The following KLHL18 variants were observed in gnomAD, a reference collection of about 807,000 sequenced individuals.
The protein encoded by KLHL18 is kelch like family member 18.
In KLHL18, 38 loss-of-function variants were observed where a neutral mutation model predicts 58.5. The observed-to-expected ratio is 0.65, with a 90% CI of 0.50 to 0.85. The LOEUF (loss-of-function observed/expected upper bound fraction) is 0.85. KLHL18 is among the 40% of genes least tolerant of loss of function. The pLI is 0.00. For synonymous variants in KLHL18, 303 were observed against 301.9 expected, an observed-to-expected ratio of 1.00 and a Z score of -0.04; for missense variants, 624 against 778.4, an observed-to-expected ratio of 0.80 and a Z score of 2.36.
At chr3:47,300,333 A>G (rs1450546420) in intron 1 of KLHL18, among the ~76,000 whole-genome samples, 1 of 147,286 alleles carries the variant, frequency 6.8e-6, no homozygotes, top group East Asian at 2.0e-4. Context: ...GTATATGTAT[A>G]TACGTGTGTA....
intron 1 of KLHL18, among the ~76,000 whole-genome samples, chr3:47,284,147 G>A (rs1338570065): frequency 6.6e-6 from 1 of 151,930 alleles, no homozygotes; most frequent in East Asian, 1.9e-4. Context: ...TGGGAGGATC[G>A]CTTGAGCCTA....
chr3:47,332,117 A>C (rs1335709838), intron 4 of KLHL18, among the ~76,000 whole-genome samples: 1 of 152,188 alleles, frequency 6.6e-6, no homozygotes, highest in Non-Finnish European at 1.5e-5. Context: ...TGGGAGGCCA[A>C]GGTGGGCAGA....
rs1372177196 is a variant in KLHL18 at position 47,346,766 on chromosome 3, A to G, written c.*2825A>G. Reference sequence around the variant, plus strand: ...TTAGTTCCTTTTATTTATAGAATGCATGTCTTTTGTGTTAAGAAACCAAAG... The same window carrying G: ...TTAGTTCCTTTTATTTATAGAATGCGTGTCTTTTGTGTTAAGAAACCAAAG... On this transcript the variant is annotated 3_prime_UTR_variant, in exon 10 of 10. Coordinates refer to ENST00000232766, the MANE Select transcript of KLHL18 (RefSeq NM_025010.5). The G allele has an allele frequency of 6.6e-6, 1 of 152,654 alleles. No homozygotes were observed. The highest frequency in any genetic ancestry group is 2.4e-5 in the African/African-American group (1 of 41,454). The allele number at this position is 152,654 out of a possible 1,614,324, so 9.5% of individuals were successfully genotyped here. A position where few individuals can be genotyped will look rare whatever the true frequency, so the allele number is the denominator to read the frequency against.
intron 1 of KLHL18, among the ~76,000 whole-genome samples, chr3:47,291,540 C>G (rs1470194382): frequency 6.6e-6 from 1 of 152,196 alleles, no homozygotes; most frequent in Non-Finnish European, 1.5e-5. Flanking sequence ...AACTCTGATG[C>G]TATAGTGCAA....
intron 1 of KLHL18, among the ~76,000 whole-genome samples, chr3:47,312,906 T>TA (rs1491109549): frequency 1.6e-5 from 1 of 64,132 alleles, no homozygotes; most frequent in African/African-American, 3.3e-5. Flanking sequence ...TACCTTTTAA[T>TA]TTTTTTTTTT....
intron 4 of KLHL18, among the ~76,000 whole-genome samples, chr3:47,331,806 A>T (rs947305731): frequency 6.7e-6 from 1 of 150,194 alleles, no homozygotes; most frequent in African/African-American, 2.5e-5. Context: ...TTTCCAGAAG[A>T]GAGGGAAGAA....
intron 1 of KLHL18, among the ~76,000 whole-genome samples, chr3:47,310,453 T>A (rs1473294703): frequency 6.6e-6 from 1 of 152,212 alleles, no homozygotes; most frequent in Admixed American, 6.5e-5. Flanking sequence ...AAGGCTGTCT[T>A]ATAGCCTCTT....
rs1185300555 is a variant in KLHL18, at chr3:47,345,508, C to G, written c.*1567C>G. 1 of 152,654 alleles carries G rather than the reference C, an allele frequency of 6.6e-6. No individual in the cohort carries two copies. Among genetic ancestry groups the G allele is most frequent in the Non-Finnish European group, 1.5e-5 (1 of 68,042 alleles). 9.5% of individuals were successfully genotyped at this position (152,654 alleles called of 1,614,324 possible). The stretch of plus-strand genomic sequence containing the variant: ...GAAAGATTTCATATTGCTTCCTCCT[C>G]CCTGGATAGGACCTAATGTAGCACA... On this transcript the variant is annotated 3_prime_UTR_variant, in exon 10 of 10. Transcript: ENST00000232766.
In KLHL18 at chr3:47,310,637, C is replaced by CT. The variant is rs1245434961; in HGVS notation, c.130-9013dup. 2.6e-5 allele frequency among the ~76,000 whole-genome samples: 4 copies of CT among 152,214 alleles called. No individual in the cohort carries two copies. In the East Asian group the frequency reaches 7.7e-4, roughly 29 times the overall value. ...GCACTCGGTGTCAGCTTGTCCAAAACTTTATTTGGTCATTTACTCCTGACT... is the reference window on the plus strand; with the variant it reads ...GCACTCGGTGTCAGCTTGTCCAAAACTTTTATTTGGTCATTTACTCCTGACT... On this transcript the variant is annotated intron_variant, in intron 1 of 9. Transcript: ENST00000232766.
chr3:47,345,760 G>A lies in KLHL18; in HGVS notation c.*1819G>A, dbSNP rs965679708. 6.6e-6 allele frequency: 1 copy of A among 152,590 alleles called. No homozygotes were observed. Among genetic ancestry groups the A allele is most frequent in the African/African-American group, 2.4e-5 (1 of 41,410 alleles). The allele number at this position is 152,590 out of a possible 1,614,324, so 9.5% of individuals were successfully genotyped here. ...GTGGCCTGGAAGCCTGTTCAGAAAG[G>A]CACAATGTGGAGCCTGGGGTGTCTC... On this transcript the variant is annotated 3_prime_UTR_variant, in exon 10 of 10. Transcript: ENST00000232766.
In KLHL18 at chr3:47,343,929, C is replaced by T. The variant is rs767135226; in HGVS notation, c.1713C>T (p.Leu571=). Residue 571 remains leucine, a synonymous_variant, in exon 10 of 10, where the codon CTC becomes CTT. Coordinates refer to ENST00000232766, the MANE Select transcript of KLHL18 (RefSeq NM_025010.5). Reference sequence around the variant, plus strand: ...GGGTCGGTGTGGGCTGCATCCCTCTCCTCACCATCTAAGGCAGAGGATGGG... The same window carrying T: ...GGGTCGGTGTGGGCTGCATCCCTCTTCTCACCATCTAAGGCAGAGGATGGG... ...EGGVGVGCIP[L]LTI 1 of 1,613,592 alleles carries T rather than the reference C, an allele frequency of 6.2e-7. No individual in the cohort carries two copies. The highest frequency in any genetic ancestry group is 1.7e-5 in the Admixed American group (1 of 60,016).
chr3:47,342,897 A>G, intron 9 of KLHL18, 67 bp downstream of exon 9: 1 of 1,277,904 alleles, frequency 7.8e-7, no homozygotes. Flanking sequence ...TTAGAAGATC[A>G]TTATTTGAAA....
At chr3:47,311,509 A>G (rs76800447) in intron 1 of KLHL18, among the ~76,000 whole-genome samples, 21,514 of 151,746 alleles carry the variant, frequency 0.14, 1,958 homozygotes, top group East Asian at 0.25. Flanking sequence ...TGGCTAACAT[A>G]GTGAAACCCC....
intron 6 of KLHL18, among the ~76,000 whole-genome samples, chr3:47,335,602 G>A (rs1703966395): frequency 6.6e-6 from 1 of 152,064 alleles, no homozygotes; most frequent in South Asian, 2.1e-4. Flanking sequence ...CTGCCTCCCG[G>A]GTTCAAGCAA....
Position 47,335,829 on chromosome 3 carries a change from GT to G in KLHL18, c.899-704del, listed in dbSNP as rs369556570. Among the ~76,000 whole-genome samples the G allele has an allele frequency of 7.3e-3, 1,104 of 152,232 alleles. 14 individuals carry two copies. Among genetic ancestry groups the G allele is most frequent in the African/African-American group, 0.025 (1,052 of 41,554 alleles). ...GGCCCAGTTTTGTTTTTAATTGAAGGTTAATGAGAGTTGGGTACTAGCTGCT... is the reference window on the plus strand; with the variant it reads ...GGCCCAGTTTTGTTTTTAATTGAAGGTAATGAGAGTTGGGTACTAGCTGCT... On this transcript the variant is annotated intron_variant, in intron 6 of 9. Transcript: ENST00000232766.
chr3:47,319,175 C>G (rs1229871026), intron 1 of KLHL18, among the ~76,000 whole-genome samples: 1 of 152,202 alleles, frequency 6.6e-6, no homozygotes, highest in Admixed American at 6.5e-5. Flanking sequence ...TGTATCTCCT[C>G]ATGCCCCTGC....
At chr3:47,303,589 C>G (rs1703072406) in intron 1 of KLHL18, among the ~76,000 whole-genome samples, 1 of 152,192 alleles carries the variant, frequency 6.6e-6, no homozygotes, top group Non-Finnish European at 1.5e-5. Flanking sequence ...GTTCAAGGCT[C>G]AGGGCTTAGC....
intron 1 of KLHL18, 31 bp downstream of exon 1, chr3:47,283,125 G>A (rs1213657619): frequency 1.3e-6 from 2 of 1,553,084 alleles, no homozygotes; most frequent in Middle Eastern, 1.7e-4. Flanking sequence ...GCGGGCTGAG[G>A]GAAAAGGGGT....
chr3:47,332,312 G>A (rs981188209), intron 4 of KLHL18, among the ~76,000 whole-genome samples: 4 of 151,886 alleles, frequency 2.6e-5, no homozygotes, highest in African/African-American at 4.8e-5. Flanking sequence ...CTGAGATTGC[G>A]CCACTGCACT....
Sources: allele counts gnomAD v4.1 joint callset (sites outside exome capture counted in the v4.1 genomes callset), GRCh38; gene constraint gnomAD v4.1.1; transcripts MANE v1.5; gene names NCBI Gene and HGNC (gene_info 2026-07-23, HGNC 2026-07-21).